The following SLC25A21 variants were observed in gnomAD, a reference collection of about 807,000 sequenced individuals.
SLC25A21 encodes the protein mitochondrial 2-oxodicarboxylate carrier.
SLC25A21 carries 47 observed loss-of-function variants against 43.8 expected under a neutral mutation model. That is an observed-to-expected ratio of 1.07 (90% confidence interval 0.85 to 1.37). The LOEUF is 1.37. Ranked by LOEUF, SLC25A21 falls within the 40% of genes most tolerant of loss-of-function variation. The probability of loss-of-function intolerance (pLI) is 0.00; values close to 1 mark genes in which losing one functional copy is unlikely to be tolerated. For missense variants in SLC25A21, 352 were observed against 350.2 expected (o/e 1.00, Z -0.04); for synonymous variants, 131 against 121.3 (o/e 1.08, Z -0.52).
At chr14:37,125,592 C>T (rs187666227) in intron 1 of SLC25A21, among the ~76,000 whole-genome samples, 3 of 152,246 alleles carry the variant, frequency 2.0e-5, no homozygotes, top group East Asian at 3.9e-4. Context: ...TGTTTTTATA[C>T]AGGATTAGAT....
chr14:36,739,709 C>T (rs983365431), intron 3 of SLC25A21, among the ~76,000 whole-genome samples: 3 of 151,248 alleles, frequency 2.0e-5, no homozygotes, highest in Non-Finnish European at 2.9e-5. Context: ...AGAGGCACAC[C>T]AGGATAATTC....
At chr14:36,779,534 T>A (rs1340065530) in intron 3 of SLC25A21, among the ~76,000 whole-genome samples, 2 of 140,598 alleles carry the variant, frequency 1.4e-5, no homozygotes, top group Non-Finnish European at 3.1e-5. Context: ...TTCCTATATA[T>A]AAGAATAAAC....
chr14:36,899,566 C>A (rs1241473835), intron 1 of SLC25A21, among the ~76,000 whole-genome samples: 2 of 152,170 alleles, frequency 1.3e-5, no homozygotes, highest in Non-Finnish European at 2.9e-5. Flanking sequence ...TGGGTTCATT[C>A]AAGCTGCATC....
chr14:36,711,325 A>T lies in SLC25A21; in HGVS notation c.596T>A (p.Val199Asp). 6.2e-7 allele frequency: 1 copy of T among 1,613,476 alleles called. No homozygotes were observed. Among genetic ancestry groups the T allele is most frequent in the Non-Finnish European group, 8.5e-7 (1 of 1,179,812 alleles). The change falls in exon 7 of 10, where the codon GTC (valine) becomes GAC (aspartate). Residue 199 changes from valine to aspartate, a missense_variant. Coordinates refer to ENST00000331299, the MANE Select transcript of SLC25A21 (RefSeq NM_030631.4). ...AATTTATTAAATAGTTACCTTATTG[A>T]CAGGAATCATGTTTTTGACATTGTA... is the stretch of plus-strand genomic sequence containing the variant. Reference protein sequence around the residue: ...FYYNVKNMIPVNKDPILEFWR... With the variant: ...FYYNVKNMIPDNKDPILEFWR...
chr14:36,828,500 G>T (rs543779066), intron 2 of SLC25A21: 145 of 152,310 alleles, frequency 9.5e-4, no homozygotes, highest in African/African-American at 3.3e-3. Flanking sequence ...AGCCCTAGTG[G>T]GTGCAGAGAC....
chr14:36,927,346 G>T (rs768873146), intron 1 of SLC25A21, among the ~76,000 whole-genome samples: 1 of 152,130 alleles, frequency 6.6e-6, no homozygotes, highest in African/African-American at 2.4e-5. Flanking sequence ...GAACAAATCT[G>T]CATGCTTTCA....
chr14:36,864,162 TC>T (rs60146508), intron 2 of SLC25A21, among the ~76,000 whole-genome samples: 2,832 of 152,304 alleles, frequency 0.019, 98 homozygotes, highest in African/African-American at 0.065. Flanking sequence ...TTAGGGTCAT[TC>T]CTAGGTTATA....
intron 3 of SLC25A21, among the ~76,000 whole-genome samples, chr14:36,754,826 A>G (rs1566576700): frequency 1.3e-5 from 2 of 152,212 alleles, no homozygotes; most frequent in Non-Finnish European, 1.5e-5. Flanking sequence ...TTGTCTTCCT[A>G]CAGAATTCAG....
At chr14:36,959,725 C>T (rs922974320) in intron 1 of SLC25A21, among the ~76,000 whole-genome samples, 2 of 152,170 alleles carry the variant, frequency 1.3e-5, no homozygotes, top group East Asian at 3.9e-4. Context: ...TCTGCCAGTT[C>T]CCGGTAAACA....
intron 2 of SLC25A21, among the ~76,000 whole-genome samples, chr14:36,821,580 G>A (rs577402496): frequency 1.2e-4 from 18 of 152,268 alleles, no homozygotes; most frequent in African/African-American, 4.3e-4. Context: ...ACTTTGGGAG[G>A]CCAAGGCAGC....
At chr14:36,826,810 T>C in intron 2 of SLC25A21, among the ~76,000 whole-genome samples, 1 of 152,198 alleles carries the variant, frequency 6.6e-6, no homozygotes. Context: ...ACGGCCTCCA[T>C]TTTCCTGTAG....
chr14:37,152,163 G>T (rs1019762375), intron 1 of SLC25A21, among the ~76,000 whole-genome samples: 3 of 152,044 alleles, frequency 2.0e-5, no homozygotes, highest in African/African-American at 4.8e-5. Context: ...CATACTTATT[G>T]ACTATGATAG....
intron 1 of SLC25A21, among the ~76,000 whole-genome samples, chr14:36,892,523 C>A (rs1178676867): frequency 6.6e-6 from 1 of 151,900 alleles, no homozygotes; most frequent in Non-Finnish European, 1.5e-5. Flanking sequence ...AGGCCAGGAA[C>A]AGAAAGACCA....
intron 3 of SLC25A21, chr14:36,759,811 T>C (rs762853074): frequency 3.3e-5 from 5 of 152,108 alleles, no homozygotes; most frequent in Non-Finnish European, 5.9e-5. Flanking sequence ...CTATTAAAAA[T>C]ACAAAAATTA....
At chr14:37,134,728 G>GA (rs1193073721) in intron 1 of SLC25A21, among the ~76,000 whole-genome samples, 1 of 151,708 alleles carries the variant, frequency 6.6e-6, no homozygotes. Flanking sequence ...GACTATTCCA[G>GA]AAAAAATGTT....
At chr14:36,748,520 T>C (rs949605954) in intron 3 of SLC25A21, among the ~76,000 whole-genome samples, 1 of 152,232 alleles carries the variant, frequency 6.6e-6, no homozygotes, top group Non-Finnish European at 1.5e-5. Context: ...CCAGATCATT[T>C]TGAAAAATTA....
intron 1 of SLC25A21, among the ~76,000 whole-genome samples, chr14:37,055,168 C>CAGA (rs1364433721): frequency 6.6e-6 from 1 of 152,152 alleles, no homozygotes; most frequent in Non-Finnish European, 1.5e-5. Context: ...CATAGGCCTT[C>CAGA]AGGTTGAAAG....
intron 3 of SLC25A21, among the ~76,000 whole-genome samples, chr14:36,812,015 T>C (rs574086963): frequency 1.3e-5 from 2 of 152,276 alleles, no homozygotes; most frequent in East Asian, 3.9e-4. Context: ...AAAAATTGTT[T>C]ACAACCTACA....
At chr14:36,703,354 A>G (rs1366689028) in intron 7 of SLC25A21, among the ~76,000 whole-genome samples, 1 of 152,238 alleles carries the variant, frequency 6.6e-6, no homozygotes, top group Non-Finnish European at 1.5e-5. Context: ...GATAAAATGA[A>G]GTGGGTCTGG....
Sources: gnomAD v4.1 joint callset for allele counts (sites outside exome capture counted in the v4.1 genomes callset) on GRCh38, gnomAD v4.1.1 for gene constraint, MANE v1.5 for transcripts, NCBI Gene and HGNC (gene_info 2026-07-23, HGNC 2026-07-21) for gene names.